Variants in ITGB6 observed in about 807,000 individuals in gnomAD.
The protein encoded by ITGB6 is integrin beta-6.
ITGB6 carries 80 observed loss-of-function variants against 84.5 expected under a neutral mutation model. The ratio of observed to expected loss-of-function variants is 0.95; its 90% confidence interval spans 0.79 to 1.14. ITGB6 has a LOEUF of 1.14. ITGB6 is among the 50% of genes most tolerant of loss of function. ITGB6 has a pLI of 0.00. For missense variants in ITGB6, 1,006 were observed against 968.0 expected (o/e 1.04, Z -0.52); for synonymous variants, 383 against 354.9 (o/e 1.08, Z -0.89).
intron 7 of ITGB6, among the ~76,000 whole-genome samples, chr2:160,152,075 G>A (rs1378172300): frequency 6.6e-6 from 1 of 152,108 alleles, no homozygotes. Flanking sequence ...GAAAAAGAGG[G>A]AATCCTCCCT....
chr2:160,163,143 C>A (rs1488719654), intron 7 of ITGB6, among the ~76,000 whole-genome samples: 1 of 152,134 alleles, frequency 6.6e-6, no homozygotes, highest in African/African-American at 2.4e-5. Flanking sequence ...ACCCACGGGG[C>A]AGAATCCAAG....
intron 13 of ITGB6, among the ~76,000 whole-genome samples, chr2:160,111,673 A>G (rs932151290): frequency 7.0e-6 from 1 of 142,638 alleles, no homozygotes; most frequent in African/African-American, 2.6e-5. Context: ...TACACCTCCC[A>G]GGCTCAAGCA....
At chr2:160,152,634 G>A (rs565185444) in intron 7 of ITGB6, among the ~76,000 whole-genome samples, 20 of 152,072 alleles carry the variant, frequency 1.3e-4, no homozygotes, top group Non-Finnish European at 2.5e-4. Context: ...AGGGTATTCA[G>A]TTAGGAAAAG....
At chr2:160,184,952 A>G (rs1685835578) in intron 4 of ITGB6, among the ~76,000 whole-genome samples, 1 of 152,240 alleles carries the variant, frequency 6.6e-6, no homozygotes, top group Non-Finnish European at 1.5e-5. Flanking sequence ...AAAACTCTCA[A>G]TAAACTAGGT....
chr2:160,166,196 T>C (rs1310847673), intron 7 of ITGB6, among the ~76,000 whole-genome samples: 1 of 152,218 alleles, frequency 6.6e-6, no homozygotes, highest in East Asian at 1.9e-4. Flanking sequence ...TGCTTTGTGC[T>C]AACAGCCAAG....
chr2:160,135,889 A>T (rs1028329197), intron 10 of ITGB6, among the ~76,000 whole-genome samples: 11 of 152,202 alleles, frequency 7.2e-5, no homozygotes, highest in Non-Finnish European at 1.5e-4. Flanking sequence ...CTTACACCTT[A>T]TACTAAAATT....
intron 4 of ITGB6, among the ~76,000 whole-genome samples, chr2:160,175,448 C>T (rs1574122007): frequency 6.6e-6 from 1 of 152,234 alleles, no homozygotes. Context: ...ACATTCCCAA[C>T]TGGAATCAAA....
In ITGB6 at chr2:160,199,967, C is replaced by T. The variant is rs112349988; in HGVS notation, c.61+36G>A. The T allele has an allele frequency of 1.3e-4, 201 of 1,525,468 alleles. 1 individual carries two copies. The African/African-American group carries it at 2.1e-3, about 16-fold the overall frequency. The allele number at this position is 1,525,468 out of a possible 1,614,324, so 94.5% of individuals were successfully genotyped here. ...CCAAATGACAGGTTTGTCAAGCATACCACGAAAGTAATATATCAGAGAACG... is the reference window on the plus strand; with the variant it reads ...CCAAATGACAGGTTTGTCAAGCATATCACGAAAGTAATATATCAGAGAACG... On this transcript the variant is annotated intron_variant, in intron 1 of 14. Coordinates refer to ENST00000283249, the MANE Select transcript of ITGB6 (RefSeq NM_000888.5).
At chr2:160,149,051 T>C (rs1684302819) in intron 7 of ITGB6, among the ~76,000 whole-genome samples, 1 of 152,266 alleles carries the variant, frequency 6.6e-6, no homozygotes, top group Non-Finnish European at 1.5e-5. Flanking sequence ...AGACAACTTC[T>C]GCAGACTTAA....
Position 160,120,178 on chromosome 2 carries a change from A to G in ITGB6, c.1981+3613T>C. On this transcript the variant is annotated intron_variant, in intron 12 of 14. Coordinates refer to ENST00000283249, the MANE Select transcript of ITGB6 (RefSeq NM_000888.5). ...CATCCCATTACTGGATATATACCCAAAGGATTAGAAACCATGTTGCTATAA... is the reference window on the plus strand; with the variant it reads ...CATCCCATTACTGGATATATACCCAGAGGATTAGAAACCATGTTGCTATAA... Among the ~76,000 whole-genome samples, 2 of 152,098 alleles carry G rather than the reference A, an allele frequency of 1.3e-5. 1 individual carries two copies. The highest frequency in any genetic ancestry group is 1.3e-4 in the Admixed American group (2 of 15,250).
rs1289811282 is a variant in ITGB6, at chr2:160,123,955, G to A, written c.1884-67C>T. The A allele has an allele frequency of 8.9e-6, 10 of 1,122,432 alleles. No individual in the cohort carries two copies. In the East Asian group the frequency reaches 9.6e-5, roughly 11 times the overall value. 69.5% of individuals were successfully genotyped at this position (1,122,432 alleles called of 1,614,324 possible). A position where few individuals can be genotyped will look rare whatever the true frequency, so the allele number is the denominator to read the frequency against. ...AAAATAGATTTGCAGCTTGAATATTGCTTTACTGCTGTTGTTGCAATTTGT... is the reference window on the plus strand; with the variant it reads ...AAAATAGATTTGCAGCTTGAATATTACTTTACTGCTGTTGTTGCAATTTGT... On this transcript the variant is annotated intron_variant, in intron 11 of 14. Coordinates refer to ENST00000283249, the MANE Select transcript of ITGB6 (RefSeq NM_000888.5).
intron 14 of ITGB6, among the ~76,000 whole-genome samples, chr2:160,104,500 T>C (rs1182749848): frequency 6.6e-6 from 1 of 152,200 alleles, no homozygotes; most frequent in African/African-American, 2.4e-5. Context: ...TTCCCCCAGG[T>C]GTCTGGGAGT....
chr2:160,100,742 A>C lies in ITGB6; in HGVS notation c.*994T>G, dbSNP rs777416952. The C allele has an allele frequency of 6.6e-6, 1 of 152,256 alleles. No homozygotes were observed. The highest frequency in any genetic ancestry group is 1.5e-5 in the Non-Finnish European group (1 of 68,040). The allele number at this position is 152,256 out of a possible 1,614,324, so 9.4% of individuals were successfully genotyped here. On this transcript the variant is annotated 3_prime_UTR_variant, in exon 15 of 15. Coordinates refer to ENST00000283249, the MANE Select transcript of ITGB6 (RefSeq NM_000888.5). ...GCAAGTTGGGTTACATAGATGGGAA[A>C]AGAGTATGTATTAAAAAGCCTTTAA...
At chr2:160,129,681 G>A (rs1683384627) in intron 10 of ITGB6, among the ~76,000 whole-genome samples, 1 of 152,140 alleles carries the variant, frequency 6.6e-6, no homozygotes, top group Non-Finnish European at 1.5e-5. Context: ...CTACTTGCAG[G>A]AGACACTGCC....
chr2:160,196,963 C>T (rs1023948779), intron 2 of ITGB6, among the ~76,000 whole-genome samples: 1 of 152,072 alleles, frequency 6.6e-6, no homozygotes, highest in African/African-American at 2.4e-5. Context: ...ATTGCAACAT[C>T]TCCCCCATCT....
At chr2:160,104,623 G>A (rs2105769542) in intron 14 of ITGB6, among the ~76,000 whole-genome samples, 1 of 152,228 alleles carries the variant, frequency 6.6e-6, no homozygotes, top group South Asian at 2.1e-4. Context: ...TCGCCCAACT[G>A]CCAAACACAG....
chr2:160,176,388 A>G (rs1052138480), intron 4 of ITGB6, among the ~76,000 whole-genome samples: 2 of 152,276 alleles, frequency 1.3e-5, no homozygotes, highest in South Asian at 2.1e-4. Flanking sequence ...AGCTGCATCA[A>G]TACACCTAGT....
intron 7 of ITGB6, among the ~76,000 whole-genome samples, chr2:160,165,967 T>G (rs1216700661): frequency 6.6e-6 from 1 of 152,218 alleles, no homozygotes; most frequent in East Asian, 1.9e-4. Context: ...TTGACCCAAT[T>G]TTAGAAAAGA....
chr2:160,162,111 C>A (rs577116171), intron 7 of ITGB6, among the ~76,000 whole-genome samples: 27 of 152,282 alleles, frequency 1.8e-4, no homozygotes, highest in Admixed American at 9.2e-4. Context: ...TAATACCTGG[C>A]AGATGAACCA....
Sources: gnomAD v4.1 joint callset for allele counts (sites outside exome capture counted in the v4.1 genomes callset) on GRCh38, gnomAD v4.1.1 for gene constraint, MANE v1.5 for transcripts, NCBI Gene and HGNC (gene_info 2026-07-23, HGNC 2026-07-21) for gene names.